The following SHANK2 variants were observed in gnomAD, a reference collection of about 807,000 sequenced individuals.
SHANK2 encodes SH3 and multiple ankyrin repeat domains 2.
SHANK2 carries 43 observed loss-of-function variants against 133.7 expected under a neutral mutation model. That is an observed-to-expected ratio of 0.32 (90% CI 0.25 to 0.41). The LOEUF (loss-of-function observed/expected upper bound fraction) is 0.41. SHANK2 is among the 10% of genes least tolerant of loss of function. The pLI is 1.00. For missense variants in SHANK2, 1,994 were observed against 2,235.8 expected, an observed-to-expected ratio of 0.89 and a Z score of 2.18; for synonymous variants, 1,017 against 952.8, an observed-to-expected ratio of 1.07 and a Z score of -1.24.
intron 2 of SHANK2, among the ~76,000 whole-genome samples, chr11:71,148,419 G>A (rs1952698682): frequency 6.6e-6 from 1 of 152,166 alleles, no homozygotes; most frequent in Admixed American, 6.5e-5. Context: ...AGAACTCTGG[G>A]AACAGCCATC....
chr11:71,192,746 T>C (rs1429477233), intron 2 of SHANK2, among the ~76,000 whole-genome samples: 1 of 152,182 alleles, frequency 6.6e-6, no homozygotes, highest in Admixed American at 6.5e-5. Context: ...TGCAAAGAGA[T>C]CTATATTCAT....
At chr11:70,801,198 A>G (rs1466604328) in intron 13 of SHANK2, among the ~76,000 whole-genome samples, 1 of 152,146 alleles carries the variant, frequency 6.6e-6, no homozygotes, top group Non-Finnish European at 1.5e-5. Flanking sequence ...TCCATATTTA[A>G]TCTCTATGAA....
chr11:71,241,648 A>T (rs1555124440), intron 1 of SHANK2, among the ~76,000 whole-genome samples: 1 of 152,218 alleles, frequency 6.6e-6, no homozygotes, highest in East Asian at 1.9e-4. Flanking sequence ...GAACCCACAA[A>T]GATGAGACAC....
At chr11:71,199,130 G>A (rs1408687377) in intron 2 of SHANK2, among the ~76,000 whole-genome samples, 4 of 152,196 alleles carry the variant, frequency 2.6e-5, no homozygotes, top group African/African-American at 9.7e-5. Flanking sequence ...GCAGTTACCA[G>A]TCACTTCCCT....
intron 14 of SHANK2, among the ~76,000 whole-genome samples, chr11:70,797,588 A>G (rs1947940752): frequency 6.6e-6 from 1 of 152,198 alleles, no homozygotes; most frequent in Non-Finnish European, 1.5e-5. Context: ...ATCAGGCGGC[A>G]GAGGGCTACC....
chr11:71,245,800 A>G (rs1182186526), intron 1 of SHANK2, among the ~76,000 whole-genome samples: 1 of 152,204 alleles, frequency 6.6e-6, no homozygotes, highest in Non-Finnish European at 1.5e-5. Flanking sequence ...GCTTGGGGCC[A>G]CTGTAGGACC....
At chr11:71,156,791 G>A (rs1263746235) in intron 2 of SHANK2, among the ~76,000 whole-genome samples, 1 of 152,190 alleles carries the variant, frequency 6.6e-6, no homozygotes, top group African/African-American at 2.4e-5. Flanking sequence ...CATTTCCCAA[G>A]TGCACTTGCC....
intron 8 of SHANK2, among the ~76,000 whole-genome samples, chr11:71,079,617 G>T (rs976490311): frequency 6.6e-6 from 1 of 151,056 alleles, no homozygotes; most frequent in South Asian, 2.1e-4. Flanking sequence ...AAAATTAGCC[G>T]GGTGTGGTGG....
At chr11:70,720,834 AAC>A (rs782659277) in intron 14 of SHANK2, among the ~76,000 whole-genome samples, 5 of 152,346 alleles carry the variant, frequency 3.3e-5, no homozygotes, top group East Asian at 1.9e-4. Flanking sequence ...CATACATGCA[AAC>A]ACATCTTCAC....
intron 3 of SHANK2, among the ~76,000 whole-genome samples, chr11:71,132,094 T>TGAGGCTGCTGCCGGGACGCA (rs1952320899): frequency 1.3e-5 from 2 of 152,078 alleles, no homozygotes. Context: ...CAGAGGCAGG[T>TGAGGCTGCTGCCGGGACGCA]GAGGCTGCTG....
chr11:70,591,741 G>A (rs2060323988), intron 17 of SHANK2, among the ~76,000 whole-genome samples: 1 of 152,146 alleles, frequency 6.6e-6, no homozygotes, highest in Non-Finnish European at 1.5e-5. Context: ...TGTGGGCCGG[G>A]CGCGGTGGCT....
intron 17 of SHANK2, among the ~76,000 whole-genome samples, chr11:70,547,232 C>T (rs1554976577): frequency 1.3e-5 from 2 of 152,206 alleles, no homozygotes; most frequent in African/African-American, 4.8e-5. Flanking sequence ...TACTCCCCTA[C>T]CGCAATAGTC....
intron 11 of SHANK2, chr11:70,873,148 AAG>A (rs1394127231): frequency 2.1e-6 from 1 of 469,088 alleles, no homozygotes; most frequent in East Asian, 7.0e-5. Context: ...CCCTAAAACA[AAG>A]AGCCGTTGCC....
chr11:71,153,867 G>A (rs1479107473), intron 2 of SHANK2, among the ~76,000 whole-genome samples: 3 of 152,194 alleles, frequency 2.0e-5, no homozygotes, highest in African/African-American at 4.8e-5. Flanking sequence ...CTACTTGGGA[G>A]GCTAAGGCAG....
At chr11:70,872,957 T>C (rs1179393265) in intron 11 of SHANK2, 1 of 469,118 alleles carries the variant, frequency 2.1e-6, no homozygotes, top group African/African-American at 2.0e-5. Flanking sequence ...ACTCATGACC[T>C]CCACCTCCCC....
At chr11:70,800,637 A>G (rs1555050317) in intron 13 of SHANK2, among the ~76,000 whole-genome samples, 1 of 152,206 alleles carries the variant, frequency 6.6e-6, no homozygotes, top group African/African-American at 2.4e-5. Flanking sequence ...CCTAACTGAA[A>G]CAGATCAGCC....
intron 11 of SHANK2, among the ~76,000 whole-genome samples, chr11:70,876,057 G>C (rs1217041374): frequency 5.9e-5 from 9 of 151,874 alleles, no homozygotes; most frequent in African/African-American, 2.2e-4. Context: ...TTGGGAGGCT[G>C]AGGCAGGAGA....
intron 15 of SHANK2, among the ~76,000 whole-genome samples, chr11:70,693,441 C>T (rs1043092317): frequency 6.6e-6 from 1 of 152,138 alleles, no homozygotes; most frequent in Admixed American, 6.5e-5. Context: ...GATTCCTCCT[C>T]AATCTTTGTG....
intron 2 of SHANK2, among the ~76,000 whole-genome samples, chr11:71,167,579 C>T (rs1953191409): frequency 1.5e-5 from 2 of 134,426 alleles, no homozygotes; most frequent in Non-Finnish European, 3.2e-5. Context: ...GGGCGGCTGG[C>T]CGGGCAGAGG....
Sources: gnomAD v4.1 joint callset for allele counts (sites outside exome capture counted in the v4.1 genomes callset) on GRCh38, gnomAD v4.1.1 for gene constraint, MANE v1.5 for transcripts, NCBI Gene and HGNC (gene_info 2026-07-23, HGNC 2026-07-21) for gene names.